KCNH8: variants seen among roughly 807,000 people sequenced by gnomAD.
The protein encoded by KCNH8 is potassium voltage-gated channel subfamily H member 8.
KCNH8 carries 70 observed loss-of-function variants against 103.6 expected under a neutral mutation model. That is an observed-to-expected ratio of 0.68 (90% confidence interval 0.56 to 0.82). The LOEUF is 0.82. Among genes scored for constraint, KCNH8 ranks in the 40% least tolerant of loss-of-function variants. The pLI is 0.00. For synonymous variants in KCNH8, 498 were observed against 489.4 expected (o/e 1.02, Z -0.23); for missense variants, 1,217 against 1,329.9 (o/e 0.92, Z 1.32).
intron 1 of KCNH8, among the ~76,000 whole-genome samples, chr3:19,243,276 C>T (rs1378322627): frequency 1.3e-5 from 2 of 152,128 alleles, no homozygotes; most frequent in African/African-American, 4.8e-5. Context: ...CTTCTTGCCT[C>T]GACCTCTCTT....
intron 15 of KCNH8, among the ~76,000 whole-genome samples, chr3:19,531,883 G>A (rs1181001149): frequency 6.6e-6 from 1 of 152,080 alleles, no homozygotes; most frequent in Non-Finnish European, 1.5e-5. Context: ...GCTTCTATTA[G>A]CATTTTGTGG....
At chr3:19,351,857 T>C (rs1368657671) in intron 5 of KCNH8, among the ~76,000 whole-genome samples, 3 of 152,166 alleles carry the variant, frequency 2.0e-5, no homozygotes, top group Non-Finnish European at 2.9e-5. Context: ...GCTGACATCA[T>C]AATGACAGGA....
At chr3:19,186,231 A>T (rs1451469048) in intron 1 of KCNH8, among the ~76,000 whole-genome samples, 1 of 151,552 alleles carries the variant, frequency 6.6e-6, no homozygotes, top group Admixed American at 6.6e-5. Context: ...CACAATTCAC[A>T]GGAGTGTATT....
intron 11 of KCNH8, among the ~76,000 whole-genome samples, chr3:19,502,474 G>C (rs1053351698): frequency 7.9e-5 from 12 of 151,962 alleles, no homozygotes; most frequent in South Asian, 4.2e-4. Flanking sequence ...AGTCAATCCT[G>C]AGCCAAAAGA....
intron 1 of KCNH8, among the ~76,000 whole-genome samples, chr3:19,216,335 C>T (rs956470793): frequency 5.3e-5 from 8 of 152,198 alleles, no homozygotes; most frequent in Non-Finnish European, 8.8e-5. Flanking sequence ...GTGTTACACA[C>T]GTAACTTTGG....
chr3:19,520,152 C>T (rs1351304814), intron 15 of KCNH8, among the ~76,000 whole-genome samples: 1 of 150,666 alleles, frequency 6.6e-6, no homozygotes, highest in Non-Finnish European at 1.5e-5. Context: ...CATAGGTATA[C>T]ACGTGCTATG....
At chr3:19,416,044 A>T (rs2066858890) in intron 7 of KCNH8, among the ~76,000 whole-genome samples, 1 of 152,046 alleles carries the variant, frequency 6.6e-6, no homozygotes, top group Admixed American at 6.6e-5. Context: ...TTCCTACGTA[A>T]TCTATTTAAA....
intron 1 of KCNH8, among the ~76,000 whole-genome samples, chr3:19,244,508 T>G (rs2064180246): frequency 6.6e-6 from 1 of 152,238 alleles, no homozygotes; most frequent in Non-Finnish European, 1.5e-5. Flanking sequence ...CTGGGTTGAA[T>G]GGTAGTTCTG....
chr3:19,156,051 C>A (rs565255166), intron 1 of KCNH8, among the ~76,000 whole-genome samples: 1 of 152,218 alleles, frequency 6.6e-6, no homozygotes, highest in East Asian at 1.9e-4. Context: ...CTTTTATTCA[C>A]TATTGCATGA....
At chr3:19,355,620 A>G (rs1255745045) in intron 5 of KCNH8, among the ~76,000 whole-genome samples, 1 of 152,142 alleles carries the variant, frequency 6.6e-6, no homozygotes, top group Non-Finnish European at 1.5e-5. Flanking sequence ...ATTCTGAGCA[A>G]ACTGTTGCAA....
At chr3:19,207,891 T>C (rs1380742695) in intron 1 of KCNH8, among the ~76,000 whole-genome samples, 1 of 152,016 alleles carries the variant, frequency 6.6e-6, no homozygotes, top group Admixed American at 6.6e-5. Flanking sequence ...GAATGTGTTC[T>C]AGATATCAAA....
intron 11 of KCNH8, among the ~76,000 whole-genome samples, chr3:19,500,320 C>T (rs2068550526): frequency 6.6e-6 from 1 of 152,110 alleles, no homozygotes; most frequent in Admixed American, 6.6e-5. Flanking sequence ...GACTTAGACT[C>T]CCACACAGTA....
intron 11 of KCNH8, among the ~76,000 whole-genome samples, chr3:19,488,857 C>T (rs1351646480): frequency 6.6e-6 from 1 of 152,154 alleles, no homozygotes; most frequent in Non-Finnish European, 1.5e-5. Flanking sequence ...TAAAGAGGTA[C>T]ATGAGCAGCT....
intron 11 of KCNH8, 48 bp downstream of exon 11, chr3:19,457,030 G>T: frequency 7.6e-7 from 1 of 1,321,238 alleles, no homozygotes; most frequent in South Asian, 1.2e-5. Context: ...CATTGGGCCT[G>T]GAGATCATTT....
intron 1 of KCNH8, among the ~76,000 whole-genome samples, chr3:19,208,953 C>T (rs2125223605): frequency 6.6e-6 from 1 of 152,038 alleles, no homozygotes; most frequent in African/African-American, 2.4e-5. Flanking sequence ...TTCATACTTT[C>T]CTTGTTCAGT....
intron 3 of KCNH8, among the ~76,000 whole-genome samples, chr3:19,336,934 C>T (rs1340527050): frequency 1.3e-5 from 2 of 151,868 alleles, no homozygotes; most frequent in Middle Eastern, 3.4e-3. Context: ...TATATTTCAG[C>T]GTATGACCTT....
chr3:19,532,820 G>GTCTT (rs1248508871), intron 15 of KCNH8, among the ~76,000 whole-genome samples: 2 of 152,180 alleles, frequency 1.3e-5, no homozygotes, highest in African/African-American at 4.8e-5. Context: ...GAATGAGGAT[G>GTCTT]TCTTTAGATC....
chr3:19,412,661 T>TA (rs1307792879), intron 7 of KCNH8, among the ~76,000 whole-genome samples: 1 of 151,706 alleles, frequency 6.6e-6, no homozygotes, highest in Non-Finnish European at 1.5e-5. Context: ...ATGTCGAAGA[T>TA]ATGTAAGAAA....
intron 2 of KCNH8, among the ~76,000 whole-genome samples, chr3:19,270,786 G>A (rs1559452269): frequency 6.6e-6 from 1 of 152,124 alleles, no homozygotes; most frequent in Admixed American, 6.6e-5. Context: ...GTGCTAAATT[G>A]CCACCTAAAA....
Sources: gnomAD v4.1 joint callset for allele counts (sites outside exome capture counted in the v4.1 genomes callset) on GRCh38, gnomAD v4.1.1 for gene constraint, MANE v1.5 for transcripts, NCBI Gene and HGNC (gene_info 2026-07-23, HGNC 2026-07-21) for gene names.